The following IFT140 variants were observed in gnomAD, a reference collection of about 807,000 sequenced individuals.
IFT140 encodes intraflagellar transport 140, also known as intraflagellar transport protein 140 homolog.
A neutral mutation model predicts 164.6 loss-of-function variants in IFT140; 133 were observed. The observed-to-expected ratio is 0.81, with a 90% CI of 0.70 to 0.93. The LOEUF is 0.93. IFT140 is among the 40% of genes least tolerant of loss of function. IFT140 has a pLI of 0.00. For missense variants in IFT140, 2,045 were observed against 1,972.3 expected, an observed-to-expected ratio of 1.04 and a Z score of -0.70; for synonymous variants, 860 against 817.3, an observed-to-expected ratio of 1.05 and a Z score of -0.89.
intron 4 of IFT140, 178 bp downstream of exon 4, chr16:1,602,192 C>A: frequency 1.6e-6 from 1 of 628,916 alleles, no homozygotes; most frequent in Non-Finnish European, 2.8e-6. Flanking sequence ...ACACCTTTGC[C>A]ACAGAGTGGC....
At chr16:1,597,682 G>C (rs111888833) in intron 4 of IFT140, among the ~76,000 whole-genome samples, 12 of 152,342 alleles carry the variant, frequency 7.9e-5, no homozygotes, top group African/African-American at 2.9e-4. Flanking sequence ...GATTTTCTTA[G>C]AAGGATTAGG....
At chr16:1,603,823 G>A (rs1325553077) in intron 3 of IFT140, among the ~76,000 whole-genome samples, 3 of 152,140 alleles carry the variant, frequency 2.0e-5, no homozygotes. Context: ...GCAGCTTTGG[G>A]GAAGATATAA....
At chr16:1,605,062 G>A (rs2035990267) in intron 3 of IFT140, among the ~76,000 whole-genome samples, 1 of 152,140 alleles carries the variant, frequency 6.6e-6, no homozygotes, top group Non-Finnish European at 1.5e-5. Context: ...CTAGGCAGGA[G>A]ATGTATGTCT....
At chr16:1,546,221 C>T (rs746496637) in intron 19 of IFT140, among the ~76,000 whole-genome samples, 16 of 152,194 alleles carry the variant, frequency 1.1e-4, no homozygotes, top group Non-Finnish European at 2.2e-4. Flanking sequence ...ACAGCATGAC[C>T]CTGGCACCTG....
chr16:1,566,212 C>T lies in IFT140; in HGVS notation c.1850G>A (p.Gly617Glu), dbSNP rs1416087738. ...DTVTVFDFKT[G>E]QIDRRETLSF... ...CAGCGTCTCTCTCCGATCAATTTGT[C>T]CAGTCTTGAAGTCAAAGACGGTCAC... Residue 617 changes from glycine to glutamate, a missense_variant, in exon 16 of 31, where the codon GGA (glycine) becomes GAA (glutamate). By Grantham distance (98) the Gly-to-Glu change is moderately conservative. Coordinates refer to ENST00000426508, the MANE Select transcript of IFT140 (RefSeq NM_014714.4). The T allele has an allele frequency of 6.2e-7, 1 of 1,613,862 alleles. No individual in the cohort carries two copies. Among genetic ancestry groups the T allele is most frequent in the Non-Finnish European group, 8.5e-7 (1 of 1,179,762 alleles).
At chr16:1,534,486 C>T (rs1228193062) in intron 19 of IFT140, 2 of 1,610,378 alleles carry the variant, frequency 1.2e-6, no homozygotes, top group Admixed American at 3.3e-5. Context: ...GGTGGACGCA[C>T]ATGACTGTGA....
chr16:1,547,766 C>T (rs2032295182), intron 19 of IFT140, among the ~76,000 whole-genome samples: 1 of 152,140 alleles, frequency 6.6e-6, no homozygotes, highest in Non-Finnish European at 1.5e-5. Flanking sequence ...AAGCTTCTGA[C>T]CTCAGGTGAT....
At chr16:1,550,884 G>A (rs1343128575) in intron 19 of IFT140, among the ~76,000 whole-genome samples, 4 of 152,218 alleles carry the variant, frequency 2.6e-5, no homozygotes, top group Non-Finnish European at 4.4e-5. Context: ...GGTCCCCGGC[G>A]TGCCAGTGGA....
At chr16:1,607,372 G>A (rs2036131357) in intron 2 of IFT140, 75 bp from the exon 3 acceptor site, 3 of 1,301,412 alleles carry the variant, frequency 2.3e-6, no homozygotes, top group South Asian at 3.0e-5. Flanking sequence ...ATGGAATGAC[G>A]AAAAGGAAGC....
chr16:1,602,130 G>C, intron 4 of IFT140: 1 of 540,640 alleles, frequency 1.8e-6, no homozygotes, highest in African/African-American at 1.9e-5. Context: ...ATCTGGGCAC[G>C]TATCTTTACG....
chr16:1,515,845 C>T (rs1161984557), intron 30 of IFT140, among the ~76,000 whole-genome samples: 1 of 152,050 alleles, frequency 6.6e-6, no homozygotes, highest in Non-Finnish European at 1.5e-5. Flanking sequence ...GGAGTGATAC[C>T]ACATGCAAAT....
chr16:1,583,244 C>T (rs916908700), intron 12 of IFT140, 70 bp downstream of exon 12: 2 of 1,321,062 alleles, frequency 1.5e-6, no homozygotes, highest in African/African-American at 2.9e-5. Context: ...CCACAGTGGC[C>T]CTCTCATTAG....
intron 19 of IFT140, among the ~76,000 whole-genome samples, chr16:1,555,860 T>G (rs185304268): frequency 3.3e-5 from 5 of 152,086 alleles, no homozygotes; most frequent in Non-Finnish European, 5.9e-5. Flanking sequence ...TCCCAGCACT[T>G]TGGGAGGCTG....
intron 19 of IFT140, among the ~76,000 whole-genome samples, chr16:1,529,458 G>A (rs576189065): frequency 1.3e-5 from 2 of 152,356 alleles, no homozygotes; most frequent in African/African-American, 4.8e-5. Context: ...GCGCTGCGGT[G>A]AAGGTGACAC....
chr16:1,583,765 G>A (rs2034708806), intron 11 of IFT140, among the ~76,000 whole-genome samples: 1 of 151,042 alleles, frequency 6.6e-6, no homozygotes, highest in African/African-American at 2.4e-5. Context: ...TTTTTTTTGA[G>A]ACATGGTCTC....
Position 1,587,968 on chromosome 16 carries a change from G to A in IFT140, c.867C>T (p.Ser289=), listed in dbSNP as rs145858131. The A allele has an allele frequency of 4.2e-5, 68 of 1,613,540 alleles. No homozygotes were observed. Among genetic ancestry groups the A allele is most frequent in the Admixed American group, 2.5e-4 (15 of 59,950 alleles). The change falls in exon 8 of 31, where the codon AGC becomes AGT. Residue 289 remains serine, a synonymous_variant. Transcript: ENST00000426508. ...RRADIALIEG[S]LLVMAVGEAA... ...CCTCCCCGACGGCCATCACGAGAAG[G>A]CTGCCTTCAATCAAAGCGATGTCTG...
intron 15 of IFT140, 130 bp from the exon 16 acceptor site, chr16:1,566,421 C>G (rs2033720442): frequency 1.3e-6 from 1 of 790,636 alleles, no homozygotes; most frequent in Admixed American, 2.6e-5. Context: ...ACAGGCCACT[C>G]ATCTTCCAAG....
rs916504738 is a variant in IFT140, at chr16:1,585,766, CTTT to C, written c.1155+361_1155+363del. 2.8e-4 allele frequency among the ~76,000 whole-genome samples: 33 copies of C among 119,326 alleles called. No individual in the cohort carries two copies. In the South Asian group the frequency reaches 8.4e-3, roughly 31 times the overall value. 78.3% of individuals were successfully genotyped at this position (119,326 alleles called of 152,430 possible). ...CAGAGTCATTTATGGCCTCCACTTT[CTTT>C]TTTTTTTTTTTTTTTTTTTGAGACG... On this transcript the variant is annotated intron_variant, in intron 10 of 30. Coordinates refer to ENST00000426508, the MANE Select transcript of IFT140 (RefSeq NM_014714.4).
chr16:1,526,992 C>G, intron 19 of IFT140, 196 bp from the exon 20 acceptor site: 1 of 572,034 alleles, frequency 1.7e-6, no homozygotes, highest in South Asian at 2.6e-5. Flanking sequence ...AGTCCCACGG[C>G]CTTCCTAACC....
Sources: allele counts gnomAD v4.1 joint callset (sites outside exome capture counted in the v4.1 genomes callset), GRCh38; gene constraint gnomAD v4.1.1; transcripts MANE v1.5; gene names NCBI Gene and HGNC (gene_info 2026-07-23, HGNC 2026-07-21).